Variants in OR6C2 observed in about 807,000 individuals in gnomAD.
The protein encoded by OR6C2 is olfactory receptor 6C2.
For missense variants in OR6C2, 435 were observed against 365.8 expected, an observed-to-expected ratio of 1.19 and a Z score of -1.54; for synonymous variants, 146 against 134.2, an observed-to-expected ratio of 1.09 and a Z score of -0.61.
At chr12:55,450,969 G>A (rs1322492579) in intron 1 of OR6C2, among the ~76,000 whole-genome samples, 1 of 151,948 alleles carries the variant, frequency 6.6e-6, no homozygotes, top group African/African-American at 2.4e-5. Context: ...AGGACACAGA[G>A]GGTTAAAGCA....
intron 1 of OR6C2, among the ~76,000 whole-genome samples, chr12:55,450,384 G>C (rs1871444626): frequency 6.6e-6 from 1 of 152,092 alleles, no homozygotes; most frequent in South Asian, 2.1e-4. Context: ...AAGGCAACTT[G>C]AGCTATGAAG....
At chr12:55,445,839 C>T (rs1871351623) in intron 1 of OR6C2, among the ~76,000 whole-genome samples, 1 of 152,124 alleles carries the variant, frequency 6.6e-6, no homozygotes, top group East Asian at 1.9e-4. Flanking sequence ...TCCTTAATTG[C>T]CTAGGTGGTT....
chr12:55,446,148 CTTT>C (rs1410861764), intron 1 of OR6C2, among the ~76,000 whole-genome samples: 5 of 55,742 alleles, frequency 9.0e-5, no homozygotes, highest in African/African-American at 4.5e-4. Flanking sequence ...TCCTTCCTTT[CTTT>C]CTTTCTTTCT....
rs1193835758 is a variant in OR6C2 at position 55,452,333 on chromosome 12, CCTGA to C, written c.123_126del (p.Thr42LeufsTer25). ...CCTACATGTTGAGTGTAACAGGGAA[CCTGA>C]CTATTATCACCCTCACATTGGTGGA... On this transcript the variant is annotated frameshift_variant, in exon 2 of 2. Coordinates refer to ENST00000641202, the MANE Select transcript of OR6C2 (RefSeq NM_054105.2). LOFTEE classifies it low-confidence loss of function (END_TRUNC). 9 of 1,613,534 alleles carry C rather than the reference CCTGA, an allele frequency of 5.6e-6. No homozygotes were observed. The highest frequency in any genetic ancestry group is 3.3e-5 in the Admixed American group (2 of 59,946).
At position 55,452,652 on chromosome 12, in the gene OR6C2, T is replaced by C. The variant is rs750636712; in HGVS notation, c.439T>C (p.Trp147Arg). 6.2e-7 allele frequency: 1 copy of C among 1,613,856 alleles called. No individual in the cohort carries two copies. The highest frequency in any genetic ancestry group is 1.1e-5 in the South Asian group (1 of 91,082). ...GTGTACCTTATTAGTTCTCTGCTGT[T>C]GGGTGGCTGGCTTGATGATCATTGT... is the stretch of plus-strand genomic sequence containing the variant. The part of the protein sequence containing the change: ...RVCTLLVLCC[W>R]VAGLMIIVPP... The change falls in exon 2 of 2, where the codon TGG (tryptophan) becomes CGG (arginine). Residue 147 changes from tryptophan to arginine, a missense_variant. Physicochemically the swap from Trp to Arg is moderately radical, Grantham distance 101. Coordinates refer to ENST00000641202, the MANE Select transcript of OR6C2 (RefSeq NM_054105.2).
intron 1 of OR6C2, among the ~76,000 whole-genome samples, chr12:55,449,626 A>G (rs542353927): frequency 6.6e-6 from 1 of 152,012 alleles, no homozygotes; most frequent in East Asian, 1.9e-4. Context: ...TTAGACACAT[A>G]GTAGGTGGTT....
At chr12:55,446,477 C>T (rs987189171) in intron 1 of OR6C2, among the ~76,000 whole-genome samples, 5 of 152,242 alleles carry the variant, frequency 3.3e-5, no homozygotes, top group African/African-American at 1.2e-4. Context: ...TACAGAGCCT[C>T]GCCTTGTGCA....
At position 55,452,282 on chromosome 12, in the gene OR6C2, T is replaced by A; in HGVS notation, c.69T>A (p.Val23=). Residue 23 remains valine (V), a synonymous_variant, in exon 2 of 2, where the codon GTT becomes GTA. Coordinates refer to ENST00000641202, the MANE Select transcript of OR6C2 (RefSeq NM_054105.2). ...LGLTGDPHLQ[V]LLFIFLFLTY... is the part of the protein sequence containing the mutation. ...TGACAGGTGACCCACACCTGCAAGT[T>A]CTGCTTTTTATCTTTCTATTTCTCA... 1 of 1,613,182 alleles carries A rather than the reference T, an allele frequency of 6.2e-7. No homozygotes were observed. Among genetic ancestry groups the A allele is most frequent in the Non-Finnish European group, 8.5e-7 (1 of 1,179,520 alleles).
Position 55,453,287 on chromosome 12 carries a change from C to G in OR6C2, c.*135C>G. 1.6e-6 allele frequency: 1 copy of G among 611,000 alleles called. No homozygotes were observed. The highest frequency in any genetic ancestry group is 2.8e-6 in the Non-Finnish European group (1 of 351,470). The allele number at this position is 611,000 out of a possible 1,614,324, so 37.8% of individuals were successfully genotyped here. ...TCTCAATGACATTTAATATTGCATC[C>G]TAATCCCATCTTTATCAAAATCCTT... On this transcript the variant is annotated 3_prime_UTR_variant, in exon 2 of 2. Coordinates refer to ENST00000641202, the MANE Select transcript of OR6C2 (RefSeq NM_054105.2).
chr12:55,453,194 CTAAATGTCATCCTACAGCTTT>C lies in OR6C2; in HGVS notation c.*46_*66del. On this transcript the variant is annotated 3_prime_UTR_variant, in exon 2 of 2. Coordinates refer to ENST00000641202, the MANE Select transcript of OR6C2 (RefSeq NM_054105.2). ...GCATAAAGTGAATGAAGAAGGCTCC[CTAAATGTCATCCTACAGCTTT>C]TAACTTATTTCATTGCTTCCTGACT... 1.5e-5 allele frequency: 21 copies of C among 1,415,322 alleles called. No homozygotes were observed. Among genetic ancestry groups the C allele is most frequent in the Non-Finnish European group, 2.1e-5 (21 of 1,017,086 alleles). 87.7% of individuals were successfully genotyped at this position (1,415,322 alleles called of 1,614,324 possible). A position where few individuals can be genotyped will look rare whatever the true frequency, so the allele number is the denominator to read the frequency against.
Position 55,452,737 on chromosome 12 carries a change from T to A in OR6C2, c.524T>A (p.Phe175Tyr). ...TGTGACTCCAATGCCATTGATCATT[T>A]TAGCTGTGATGCAGGTCCTCTCCTA... Reference protein sequence around the residue: ...EFCDSNAIDHFSCDAGPLLKI... With the variant: ...EFCDSNAIDHYSCDAGPLLKI... Residue 175 changes from phenylalanine (F) to tyrosine (Y), a missense_variant, in exon 2 of 2, where the codon TTT becomes TAT. Physicochemically the swap from Phe to Tyr is conservative, Grantham distance 22 (BLOSUM62 3). Coordinates refer to ENST00000641202, the MANE Select transcript of OR6C2 (RefSeq NM_054105.2). 1 of 1,613,912 alleles carries A rather than the reference T, an allele frequency of 6.2e-7. No individual in the cohort carries two copies. The highest frequency in any genetic ancestry group is 1.6e-4 in the Middle Eastern group (1 of 6,062).
chr12:55,447,773 T>G (rs1871390552), intron 1 of OR6C2, among the ~76,000 whole-genome samples: 1 of 152,118 alleles, frequency 6.6e-6, no homozygotes, highest in Non-Finnish European at 1.5e-5. Flanking sequence ...CATATCTTGG[T>G]TATTGTGAAT....
chr12:55,453,114 G>T lies in OR6C2; in HGVS notation c.901G>T (p.Asp301Tyr). 2 of 1,613,066 alleles carry T rather than the reference G, an allele frequency of 1.2e-6. No homozygotes were observed. Among genetic ancestry groups the T allele is most frequent in the South Asian group, 1.1e-5 (1 of 91,040 alleles). Residue 301 changes from aspartate to tyrosine, a missense_variant, in exon 2 of 2, where the codon GAC (aspartate) becomes TAC (tyrosine). By Grantham distance (160) the Asp-to-Tyr change is radical. Transcript: ENST00000641202. ...RNKQVKQAFS[D>Y]SIKRIAFLSK... is the part of the protein sequence containing the mutation. ...CAAGCAAGTGAAACAAGCTTTCAGT[G>T]ACTCTATAAAGAGGATTGCATTTCT...
At position 55,453,128 on chromosome 12, in the gene OR6C2, G is replaced by A. The variant is rs148433014; in HGVS notation, c.915G>A (p.Arg305=). The A allele has an allele frequency of 4.8e-5, 78 of 1,611,814 alleles. No homozygotes were observed. The African/African-American group carries it at 8.7e-4, about 18-fold the overall frequency. ...AAGCTTTCAGTGACTCTATAAAGAG[G>A]ATTGCATTTCTCTCAAAGAAGTAGA... ...VKQAFSDSIK[R]IAFLSKK Residue 305 remains arginine (R), a synonymous_variant, in exon 2 of 2, where the codon AGG becomes AGA. Transcript: ENST00000641202.
chr12:55,452,565 T>C lies in OR6C2; in HGVS notation c.352T>C (p.Tyr118His). Reference sequence around the variant, plus strand: ...ATTTTTTCTCTTGGCAGCCATGTCCTATGACCGCTATGTGGCCATCTGTAA... The same window carrying C: ...ATTTTTTCTCTTGGCAGCCATGTCCCATGACCGCTATGTGGCCATCTGTAA... ...TEFFLLAAMS[Y>H]DRYVAICKPL... The change falls in exon 2 of 2, where the codon TAT (tyrosine) becomes CAT (histidine). Residue 118 changes from tyrosine to histidine, a missense_variant. Coordinates refer to ENST00000641202, the MANE Select transcript of OR6C2 (RefSeq NM_054105.2). The C allele has an allele frequency of 6.2e-7, 1 of 1,613,900 alleles. No individual in the cohort carries two copies. The highest frequency in any genetic ancestry group is 8.5e-7 in the Non-Finnish European group (1 of 1,179,858).
chr12:55,452,838 C>G lies in OR6C2; in HGVS notation c.625C>G (p.Leu209Val). 1 of 1,613,764 alleles carries G rather than the reference C, an allele frequency of 6.2e-7. No individual in the cohort carries two copies. The highest frequency in any genetic ancestry group is 8.5e-7 in the Non-Finnish European group (1 of 1,179,792). ...GGCTGTATTTGCACTCATTATCACC[C>G]TAGTTTGTGTGATTCTGTCCTACTT... ...LMAVFALIIT[L>V]VCVILSYLYI... is the part of the protein sequence containing the mutation. The change falls in exon 2 of 2, where the codon CTA becomes GTA. Residue 209 changes from leucine to valine, a missense_variant. Transcript: ENST00000641202.
intron 1 of OR6C2, among the ~76,000 whole-genome samples, chr12:55,450,722 ATTAT>A (rs1284936113): frequency 6.6e-6 from 1 of 152,130 alleles, no homozygotes; most frequent in East Asian, 1.9e-4. Flanking sequence ...AGGTCTGAAG[ATTAT>A]TGAGAATACC....
In OR6C2 at chr12:55,452,592, C is replaced by A; in HGVS notation, c.379C>A (p.Pro127Thr). ...TGACCGCTATGTGGCCATCTGTAAA[C>A]CCCTTCATTATGTGGTCATCATGAA... ...SYDRYVAICK[P>T]LHYVVIMNNR... Residue 127 changes from proline to threonine, a missense_variant, in exon 2 of 2, where the codon CCC becomes ACC. Transcript: ENST00000641202. The A allele has an allele frequency of 6.2e-7, 1 of 1,613,886 alleles. No homozygotes were observed. The highest frequency in any genetic ancestry group is 1.7e-5 in the Admixed American group (1 of 59,962).
intron 1 of OR6C2, among the ~76,000 whole-genome samples, chr12:55,449,033 A>G (rs2120681231): frequency 6.6e-6 from 1 of 152,060 alleles, no homozygotes; most frequent in African/African-American, 2.4e-5. Flanking sequence ...AGATGGGTGG[A>G]ACTAGAATTA....
Sources: allele counts gnomAD v4.1 joint callset (sites outside exome capture counted in the v4.1 genomes callset), GRCh38; gene constraint gnomAD v4.1.1; transcripts MANE v1.5; gene names NCBI Gene and HGNC (gene_info 2026-07-23, HGNC 2026-07-21).